TOPAZ1: variants seen among roughly 807,000 people sequenced by gnomAD.
TOPAZ1 encodes protein TOPAZ1.
A neutral mutation model predicts 172.2 loss-of-function variants in TOPAZ1; 66 were observed. That is an observed-to-expected ratio of 0.38 (90% CI 0.31 to 0.47). The LOEUF (loss-of-function observed/expected upper bound fraction) is 0.47. Among genes scored for constraint, TOPAZ1 ranks in the 20% least tolerant of loss-of-function variants. The pLI is 0.99. For missense variants in TOPAZ1, 1,822 were observed against 1,972.4 expected (o/e 0.92, Z 1.44); for synonymous variants, 681 against 683.9 (o/e 1.00, Z 0.07).
intron 16 of TOPAZ1, among the ~76,000 whole-genome samples, chr3:44,315,200 C>T (rs1242642850): frequency 6.7e-6 from 1 of 150,096 alleles, no homozygotes; most frequent in Non-Finnish European, 1.5e-5. Context: ...TTTGAAAGAA[C>T]GTGTGTGTGT....
In TOPAZ1 at chr3:44,281,095, G is replaced by C. The variant is rs556134333; in HGVS notation, c.3373-873G>C. On this transcript the variant is annotated intron_variant, in intron 8 of 19. Coordinates refer to ENST00000309765, the MANE Select transcript of TOPAZ1 (RefSeq NM_001145030.2). ...TCTGCAGCCGGAGTGTGGACCACTGGGGGTCTCTCATTTACACTTTCCCTG... is the reference window on the plus strand; with the variant it reads ...TCTGCAGCCGGAGTGTGGACCACTGCGGGTCTCTCATTTACACTTTCCCTG... Among the ~76,000 whole-genome samples, 3 of 152,272 alleles carry C rather than the reference G, an allele frequency of 2.0e-5. No individual in the cohort carries two copies. The South Asian group carries it at 6.2e-4, about 32-fold the overall frequency.
chr3:44,288,866 G>A (rs148286724), intron 11 of TOPAZ1, among the ~76,000 whole-genome samples: 2,107 of 152,202 alleles, frequency 0.014, 25 homozygotes, highest in Middle Eastern at 0.027. Context: ...GGCTAATATG[G>A]AGCCATCATT....
At chr3:44,256,087 GCC>G (rs894471056) in intron 3 of TOPAZ1, 62 bp from the exon 4 acceptor site, 1 of 1,266,812 alleles carries the variant, frequency 7.9e-7, no homozygotes, top group Admixed American at 3.4e-5. Flanking sequence ...TTTTAGAACA[GCC>G]TTTGAATAAC....
intron 9 of TOPAZ1, among the ~76,000 whole-genome samples, chr3:44,282,764 A>G (rs2125691220): frequency 6.6e-6 from 1 of 152,222 alleles, no homozygotes; most frequent in East Asian, 1.9e-4. Context: ...TTTCTGCTTG[A>G]GATCTCATTC....
chr3:44,297,504 A>G (rs1700213325), intron 12 of TOPAZ1, among the ~76,000 whole-genome samples: 1 of 152,232 alleles, frequency 6.6e-6, no homozygotes, highest in Non-Finnish European at 1.5e-5. Flanking sequence ...CTTCACAAAC[A>G]GTATCTGTAA....
At chr3:44,263,400 G>C (rs553724275) in intron 5 of TOPAZ1, among the ~76,000 whole-genome samples, 1 of 152,166 alleles carries the variant, frequency 6.6e-6, no homozygotes, top group African/African-American at 2.4e-5. Context: ...GACATTGATC[G>C]GTTAAGTCAT....
intron 18 of TOPAZ1, among the ~76,000 whole-genome samples, chr3:44,326,993 T>C (rs572224240): frequency 2.0e-4 from 30 of 152,338 alleles, no homozygotes; most frequent in Non-Finnish European, 3.4e-4. Flanking sequence ...AGTTAACAGT[T>C]TGTTGCTCCT....
chr3:44,318,383 C>T (rs796186201), intron 16 of TOPAZ1, among the ~76,000 whole-genome samples: 2 of 151,104 alleles, frequency 1.3e-5, no homozygotes, highest in African/African-American at 4.9e-5. Context: ...ACCCGGGAGG[C>T]GGAGGTTGCA....
rs1328707882 is a variant in TOPAZ1, at chr3:44,290,841, A to C, written c.3752A>C (p.Gln1251Pro). 6.5e-7 allele frequency: 1 copy of C among 1,549,854 alleles called. No homozygotes were observed. Among genetic ancestry groups the C allele is most frequent in the Non-Finnish European group, 8.7e-7 (1 of 1,146,508 alleles). The change falls in exon 12 of 20, where the codon CAA becomes CCA. Residue 1251 changes from glutamine (Q) to proline (P), a missense_variant. Coordinates refer to ENST00000309765, the MANE Select transcript of TOPAZ1 (RefSeq NM_001145030.2). Reference sequence around the variant, plus strand: ...ATTGTTAAGCTTTTATACCAAGTACAAGCTTCCAAACAAGAAATAACTGCA... The same window carrying C: ...ATTGTTAAGCTTTTATACCAAGTACCAGCTTCCAAACAAGAAATAACTGCA... ...NYIVKLLYQVQASKQEITAVL... is the reference protein window; with the variant it reads ...NYIVKLLYQVPASKQEITAVL...
chr3:44,254,622 C>T (rs1317489888), intron 2 of TOPAZ1, among the ~76,000 whole-genome samples: 21 of 87,710 alleles, frequency 2.4e-4, no homozygotes, highest in Admixed American at 9.5e-4. Context: ...AGCGAAACTC[C>T]GTCTCAAAAA....
rs150972383 is a variant in TOPAZ1, at chr3:44,282,714, A to C, written c.3436+683A>C. ...TCACCCTGACACAACCACCAAAGCCACATAGTAGATGTGGTAATAGAGCAC... is the reference window on the plus strand; with the variant it reads ...TCACCCTGACACAACCACCAAAGCCCCATAGTAGATGTGGTAATAGAGCAC... On this transcript the variant is annotated intron_variant, in intron 9 of 19. Coordinates refer to ENST00000309765, the MANE Select transcript of TOPAZ1 (RefSeq NM_001145030.2). 2.6e-3 allele frequency among the ~76,000 whole-genome samples: 389 copies of C among 152,266 alleles called. 4 individuals are homozygous for C. The highest frequency in any genetic ancestry group is 9.0e-3 in the African/African-American group (376 of 41,558).
At chr3:44,323,684 A>G (rs151130928) in intron 18 of TOPAZ1, among the ~76,000 whole-genome samples, 1 of 152,360 alleles carries the variant, frequency 6.6e-6, no homozygotes, top group African/African-American at 2.4e-5. Context: ...CCTAATTGTT[A>G]TAACTAAAAA....
At chr3:44,300,955 A>G (rs533687480) in intron 12 of TOPAZ1, among the ~76,000 whole-genome samples, 8 of 152,176 alleles carry the variant, frequency 5.3e-5, no homozygotes, top group Non-Finnish European at 1.2e-4. Flanking sequence ...AGAGGGAGAA[A>G]CTATGAAATG....
At chr3:44,263,657 CTCT>C (rs1699798978) in intron 5 of TOPAZ1, among the ~76,000 whole-genome samples, 2 of 152,182 alleles carry the variant, frequency 1.3e-5, no homozygotes, top group East Asian at 1.9e-4. Context: ...ATATGGGTCC[CTCT>C]TCTTCCTATT....
In TOPAZ1 at chr3:44,332,089, T is replaced by C; in HGVS notation, c.*78T>C. ...ATAAAAGGCAATAAAAATAGACAGT[T>C]TTCACTATATTCAGCTCTTTGACTT... is the stretch of plus-strand genomic sequence containing the variant. On this transcript the variant is annotated 3_prime_UTR_variant, in exon 20 of 20. Transcript: ENST00000309765. 3 of 1,004,892 alleles carry C rather than the reference T, an allele frequency of 3.0e-6. No homozygotes were observed. The highest frequency in any genetic ancestry group is 4.3e-6 in the Non-Finnish European group (3 of 689,724). The allele number at this position is 1,004,892 out of a possible 1,614,324, so 62.2% of individuals were successfully genotyped here. A position where few individuals can be genotyped will look rare whatever the true frequency, so the allele number is the denominator to read the frequency against.
At chr3:44,333,973 T>G (rs1700696882), downstream of TOPAZ1, among the ~76,000 whole-genome samples, 1 of 152,164 alleles carries the variant, frequency 6.6e-6, no homozygotes, top group Non-Finnish European at 1.5e-5. Context: ...GTATTAGCCA[T>G]GTAGGTAATG....
At chr3:44,307,382 A>G (rs557002434) in intron 15 of TOPAZ1, among the ~76,000 whole-genome samples, 1 of 152,264 alleles carries the variant, frequency 6.6e-6, no homozygotes, top group South Asian at 2.1e-4. Flanking sequence ...CATAAAAATC[A>G]CCTCTTAGAA....
Position 44,244,776 on chromosome 3 carries a change from G to T in TOPAZ1, c.2270G>T (p.Ser757Ile), listed in dbSNP as rs1456901987. 1 of 1,551,416 alleles carries T rather than the reference G, an allele frequency of 6.4e-7. No individual in the cohort carries two copies. Among genetic ancestry groups the T allele is most frequent in the African/African-American group, 1.4e-5 (1 of 73,016 alleles). ...IRNSVTPVQA[S>I]SDSFYNKKSY... ...AATAGTGTAACTCCAGTGCAAGCTAGTTCTGACTCATTCTACAATAAGAAA... is the reference window on the plus strand; with the variant it reads ...AATAGTGTAACTCCAGTGCAAGCTATTTCTGACTCATTCTACAATAAGAAA... The change falls in exon 2 of 20, where the codon AGT becomes ATT. Residue 757 changes from serine to isoleucine, a missense_variant. By Grantham distance (142) the Ser-to-Ile change is moderately radical. Around this residue, in one of 2 missense-constraint regions of TOPAZ1, gnomAD observed 1,489 missense variants for 1,490.8 expected, o/e 1.00. Transcript: ENST00000309765.
chr3:44,245,688 C>G (rs899853920), intron 2 of TOPAZ1, among the ~76,000 whole-genome samples: 1 of 152,076 alleles, frequency 6.6e-6, no homozygotes, highest in Non-Finnish European at 1.5e-5. Context: ...AGGCACCCAC[C>G]ACCATGCCCG....
Sources: gnomAD v4.1 joint callset for allele counts (sites outside exome capture counted in the v4.1 genomes callset) on GRCh38, gnomAD v4.1.1 for gene constraint, gnomAD v4.1.1 regional missense constraint, MANE v1.5 for transcripts, NCBI Gene and HGNC (gene_info 2026-07-23, HGNC 2026-07-21) for gene names.